Variants in DPYD observed in about 807,000 individuals in gnomAD.
DPYD encodes the protein dihydropyrimidine dehydrogenase.
In DPYD, 109 loss-of-function variants were observed where a neutral mutation model predicts 116.2. The ratio of observed to expected loss-of-function variants is 0.94; its 90% CI spans 0.80 to 1.10. The LOEUF (loss-of-function observed/expected upper bound fraction) is 1.10. Ranked by LOEUF, DPYD falls within the 50% of genes least tolerant of loss-of-function variation. The pLI, the probability that DPYD is intolerant of heterozygous loss-of-function variation, is 0.00. For missense variants in DPYD, 1,302 were observed against 1,254.5 expected (o/e 1.04, Z -0.57); for synonymous variants, 440 against 432.0 (o/e 1.02, Z -0.23).
At chr1:97,400,190 G>T (rs1673289347) in intron 14 of DPYD, among the ~76,000 whole-genome samples, 1 of 152,112 alleles carries the variant, frequency 6.6e-6, no homozygotes, top group Middle Eastern at 3.2e-3. Context: ...GGCCTTTTCT[G>T]CATCTATTGA....
In DPYD at chr1:97,335,879, T is replaced by A. The variant is rs113172070; in HGVS notation, c.2059-29582A>T. On this transcript the variant is annotated intron_variant, in intron 16 of 22. Coordinates refer to ENST00000370192, the MANE Select transcript of DPYD (RefSeq NM_000110.4). ...TTGTCCTTCTGTTCCTCCCCCTCCATCCCAGTGTTTCAAGGCTACCCAGAC... is the reference window on the plus strand; with the variant it reads ...TTGTCCTTCTGTTCCTCCCCCTCCAACCCAGTGTTTCAAGGCTACCCAGAC... Among the ~76,000 whole-genome samples the A allele has an allele frequency of 1.1e-4, 16 of 152,232 alleles. No individual in the cohort carries two copies. The South Asian group carries it at 3.1e-3, about 30-fold the overall frequency.
intron 10 of DPYD, among the ~76,000 whole-genome samples, chr1:97,578,125 C>A (rs1653396729): frequency 6.6e-6 from 1 of 151,940 alleles, no homozygotes; most frequent in African/African-American, 2.4e-5. Context: ...GGAATACAGG[C>A]GTAAGACACC....
chr1:97,303,570 T>C (rs1017488347), intron 18 of DPYD, among the ~76,000 whole-genome samples: 2 of 152,170 alleles, frequency 1.3e-5, no homozygotes, highest in Middle Eastern at 3.4e-3. Context: ...AAATATATTA[T>C]CATTGCCTAT....
At chr1:97,833,444 C>G (rs1236775471) in intron 2 of DPYD, among the ~76,000 whole-genome samples, 1 of 152,052 alleles carries the variant, frequency 6.6e-6, no homozygotes, top group Non-Finnish European at 1.5e-5. Context: ...GAGTTTGTTA[C>G]TTCCAAACCT....
chr1:97,214,115 A>C (rs1437577830), intron 19 of DPYD, among the ~76,000 whole-genome samples: 1 of 152,102 alleles, frequency 6.6e-6, no homozygotes, highest in Non-Finnish European at 1.5e-5. Flanking sequence ...TGCTGTACTA[A>C]TTTCTCCAGG....
chr1:97,117,546 G>A (rs1182139064), intron 20 of DPYD, among the ~76,000 whole-genome samples: 4 of 152,190 alleles, frequency 2.6e-5, no homozygotes, highest in Non-Finnish European at 4.4e-5. Flanking sequence ...TTAGGAGAAA[G>A]ACAATCCATT....
At chr1:97,324,412 A>T (rs1668605482) in intron 16 of DPYD, among the ~76,000 whole-genome samples, 1 of 152,026 alleles carries the variant, frequency 6.6e-6, no homozygotes, top group South Asian at 2.1e-4. Context: ...TTGCTCAGGG[A>T]TACAATATCT....
chr1:97,871,494 A>G (rs1221944223), intron 2 of DPYD, among the ~76,000 whole-genome samples: 2 of 151,578 alleles, frequency 1.3e-5, no homozygotes, highest in African/African-American at 4.8e-5. Context: ...CCAGAGTGGA[A>G]TTCCCCACGA....
intron 2 of DPYD, among the ~76,000 whole-genome samples, chr1:97,870,865 G>A (rs1372006619): frequency 1.3e-5 from 2 of 151,708 alleles, no homozygotes; most frequent in African/African-American, 4.8e-5. Context: ...ACCTATTCAG[G>A]CCTCTAGCAT....
chr1:97,799,441 G>A (rs1019886964), intron 3 of DPYD, among the ~76,000 whole-genome samples: 7 of 151,712 alleles, frequency 4.6e-5, no homozygotes, highest in African/African-American at 1.4e-4. Context: ...AGATATACCC[G>A]CATGAATAAG....
intron 12 of DPYD, among the ~76,000 whole-genome samples, chr1:97,519,826 C>A (rs1648506774): frequency 6.6e-6 from 1 of 152,090 alleles, no homozygotes; most frequent in Non-Finnish European, 1.5e-5. Flanking sequence ...TTGTGCCTCC[C>A]TACCTCTGCA....
At chr1:97,422,371 C>T (rs1674632574) in intron 14 of DPYD, among the ~76,000 whole-genome samples, 1 of 152,066 alleles carries the variant, frequency 6.6e-6, no homozygotes, top group Non-Finnish European at 1.5e-5. Flanking sequence ...CTTCAGAGGA[C>T]AAATGACTTT....
intron 16 of DPYD, among the ~76,000 whole-genome samples, chr1:97,355,746 G>A (rs6679536): frequency 0.59 from 89,393 of 151,952 alleles, 28,354 homozygotes; most frequent in Non-Finnish European, 0.72. Flanking sequence ...ATTGTTCCAA[G>A]TGACACAATT....
At chr1:97,480,583 C>T (rs1024223134) in intron 13 of DPYD, among the ~76,000 whole-genome samples, 9 of 152,138 alleles carry the variant, frequency 5.9e-5, no homozygotes, top group African/African-American at 7.2e-5. Context: ...TGTGAAAAGA[C>T]GAGGCAGGGA....
chr1:97,910,867 T>G lies in DPYD; in HGVS notation c.39+10017A>C, dbSNP rs1673899159. Among the ~76,000 whole-genome samples, 3 of 152,232 alleles carry G rather than the reference T, an allele frequency of 2.0e-5. No individual in the cohort carries two copies. The South Asian group carries it at 6.2e-4, about 32-fold the overall frequency. The stretch of plus-strand genomic sequence containing the variant: ...CATGATACATTAGCATCTAGTTTTC[T>G]TAAAATCTGTTATACTTCTACTTTT... On this transcript the variant is annotated intron_variant, in intron 1 of 22. Transcript: ENST00000370192.
intron 2 of DPYD, among the ~76,000 whole-genome samples, chr1:97,854,839 C>T (rs2101575914): frequency 6.6e-6 from 1 of 152,218 alleles, no homozygotes; most frequent in East Asian, 1.9e-4. Context: ...GTGAGATGTC[C>T]ATGGCCACAG....
intron 14 of DPYD, among the ~76,000 whole-genome samples, chr1:97,423,439 C>A (rs1334590536): frequency 2.6e-5 from 4 of 151,942 alleles, no homozygotes; most frequent in Non-Finnish European, 5.9e-5. Context: ...CTGATATTAT[C>A]CTAAAGAAGA....
intron 16 of DPYD, among the ~76,000 whole-genome samples, chr1:97,325,051 A>G (rs895535423): frequency 6.6e-6 from 1 of 152,050 alleles, no homozygotes; most frequent in Non-Finnish European, 1.5e-5. Context: ...TGAAGTTTTC[A>G]TGGGGGAAAA....
chr1:97,907,021 G>T (rs1029236271), intron 1 of DPYD, among the ~76,000 whole-genome samples: 1 of 152,068 alleles, frequency 6.6e-6, no homozygotes, highest in African/African-American at 2.4e-5. Context: ...CTGAGAACTA[G>T]CATGGTTACT....
Sources: allele counts gnomAD v4.1 joint callset (sites outside exome capture counted in the v4.1 genomes callset), GRCh38; gene constraint gnomAD v4.1.1; transcripts MANE v1.5; gene names NCBI Gene and HGNC (gene_info 2026-07-23, HGNC 2026-07-21).